MYRIP: variants seen among roughly 807,000 people sequenced by gnomAD.
MYRIP encodes the protein myosin VIIA and Rab interacting protein.
In MYRIP, 49 loss-of-function variants were observed where a neutral mutation model predicts 98.0. The observed-to-expected ratio is 0.50, with a 90% confidence interval of 0.40 to 0.63. The LOEUF is 0.63. MYRIP is among the 30% of genes least tolerant of loss of function. The pLI, the probability that MYRIP is intolerant of heterozygous loss-of-function variation, is 0.00. For missense variants in MYRIP, 1,004 were observed against 1,058.2 expected (o/e 0.95, Z 0.71); for synonymous variants, 404 against 409.5 (o/e 0.99, Z 0.16).
At chr3:40,117,464 T>C (rs972732877) in intron 3 of MYRIP, among the ~76,000 whole-genome samples, 7 of 152,198 alleles carry the variant, frequency 4.6e-5, no homozygotes, top group Non-Finnish European at 8.8e-5. Flanking sequence ...TCCAGGTTAT[T>C]CCCATTTCTA....
At chr3:39,826,891 G>A (rs540160176) in intron 1 of MYRIP, among the ~76,000 whole-genome samples, 6 of 152,042 alleles carry the variant, frequency 3.9e-5, no homozygotes, top group East Asian at 1.9e-4. Context: ...ATTATATAAT[G>A]TTCTTTGTCT....
intron 3 of MYRIP, among the ~76,000 whole-genome samples, chr3:40,121,002 T>G (rs948191905): frequency 6.6e-6 from 1 of 151,980 alleles, no homozygotes; most frequent in Non-Finnish European, 1.5e-5. Context: ...CAGAGAGGAA[T>G]GAATCAAGCA....
chr3:40,016,774 T>G (rs1272090287), intron 2 of MYRIP, among the ~76,000 whole-genome samples: 16 of 152,256 alleles, frequency 1.1e-4, no homozygotes, highest in Admixed American at 1.0e-3. Context: ...CCTCAGTGTC[T>G]TATTAACGTA....
At chr3:39,933,360 G>T (rs1944584219) in intron 2 of MYRIP, among the ~76,000 whole-genome samples, 1 of 152,178 alleles carries the variant, frequency 6.6e-6, no homozygotes, top group African/African-American at 2.4e-5. Context: ...AAATTGTACA[G>T]AAAATGTTTG....
chr3:40,061,248 C>T (rs1262500392), intron 3 of MYRIP, among the ~76,000 whole-genome samples: 1 of 152,182 alleles, frequency 6.6e-6, no homozygotes, highest in Non-Finnish European at 1.5e-5. Context: ...CTCCACCCTC[C>T]AGTAGACCCC....
chr3:39,853,810 C>T (rs1841106), intron 1 of MYRIP, among the ~76,000 whole-genome samples: 72,827 of 151,898 alleles, frequency 0.48, 18,684 homozygotes, highest in African/African-American at 0.67. Flanking sequence ...TTTGCGTTCT[C>T]GGTCATGATC....
intron 2 of MYRIP, among the ~76,000 whole-genome samples, chr3:39,975,764 T>C (rs1945733786): frequency 6.6e-6 from 1 of 152,176 alleles, no homozygotes; most frequent in South Asian, 2.1e-4. Flanking sequence ...AACCATCTGA[T>C]CTTTGACAAA....
intron 2 of MYRIP, among the ~76,000 whole-genome samples, chr3:39,959,003 C>T (rs529297778): frequency 0.025 from 3,719 of 151,108 alleles, 69 homozygotes; most frequent in African/African-American, 0.087. Context: ...GTTAGAATGG[C>T]AATCATTAAA....
At chr3:40,026,973 C>T (rs1281975679) in intron 2 of MYRIP, among the ~76,000 whole-genome samples, 10 of 152,064 alleles carry the variant, frequency 6.6e-5, no homozygotes, top group Admixed American at 6.6e-5. Flanking sequence ...TAGGGTGGCT[C>T]ATCCATTCCC....
chr3:39,819,433 T>G (rs1160134373), intron 1 of MYRIP, among the ~76,000 whole-genome samples: 2 of 152,146 alleles, frequency 1.3e-5, no homozygotes, highest in Non-Finnish European at 2.9e-5. Flanking sequence ...GAGGACAGAC[T>G]ACAAGAGGAA....
At chr3:40,135,604 A>G (rs1475205018) in intron 3 of MYRIP, among the ~76,000 whole-genome samples, 2 of 152,202 alleles carry the variant, frequency 1.3e-5, no homozygotes, top group African/African-American at 2.4e-5. Flanking sequence ...ACTTGAAATG[A>G]AGGAAAAAAT....
At position 40,259,435 on chromosome 3, in the gene MYRIP, A is replaced by C. The variant is rs1221233088; in HGVS notation, c.*1269A>C. The C allele has an allele frequency of 1.3e-5, 2 of 152,236 alleles. No homozygotes were observed. Among genetic ancestry groups the C allele is most frequent in the Non-Finnish European group, 2.9e-5 (2 of 68,034 alleles). The allele number at this position is 152,236 out of a possible 1,614,324, so 9.4% of individuals were successfully genotyped here. A position where few individuals can be genotyped will look rare whatever the true frequency, so the allele number is the denominator to read the frequency against. Reference sequence around the variant, plus strand: ...ATGTGTTAAGTGCCTGCTCTGAAGGAGGCAATGTTCTTCTCATTTGAATCC... The same window carrying C: ...ATGTGTTAAGTGCCTGCTCTGAAGGCGGCAATGTTCTTCTCATTTGAATCC... On this transcript the variant is annotated 3_prime_UTR_variant, in exon 17 of 17. Coordinates refer to ENST00000302541, the MANE Select transcript of MYRIP (RefSeq NM_015460.4).
At chr3:39,875,514 G>A (rs1476276307) in intron 1 of MYRIP, among the ~76,000 whole-genome samples, 2 of 151,904 alleles carry the variant, frequency 1.3e-5, no homozygotes, top group Non-Finnish European at 2.9e-5. Flanking sequence ...TGCTTTGAAT[G>A]CGTCCCAGAG....
intron 2 of MYRIP, among the ~76,000 whole-genome samples, chr3:40,000,624 G>T (rs1292328834): frequency 6.6e-6 from 1 of 152,122 alleles, no homozygotes; most frequent in Non-Finnish European, 1.5e-5. Context: ...GTACTTGAGG[G>T]ACTTGATGAT....
intron 2 of MYRIP, among the ~76,000 whole-genome samples, chr3:39,952,652 T>C (rs1195704626): frequency 6.6e-6 from 1 of 152,218 alleles, no homozygotes; most frequent in Non-Finnish European, 1.5e-5. Context: ...TACCGCCTCA[T>C]AGAATGAAAT....
intron 11 of MYRIP, among the ~76,000 whole-genome samples, chr3:40,217,254 G>C (rs1952150371): frequency 6.6e-6 from 1 of 152,044 alleles, no homozygotes; most frequent in African/African-American, 2.4e-5. Context: ...CCAGTTCTGA[G>C]TCTCACACAC....
intron 2 of MYRIP, among the ~76,000 whole-genome samples, chr3:39,927,450 T>C (rs1944442437): frequency 6.6e-6 from 1 of 152,066 alleles, no homozygotes; most frequent in East Asian, 1.9e-4. Flanking sequence ...CAGTTGATGT[T>C]GGACAAATTC....
intron 2 of MYRIP, among the ~76,000 whole-genome samples, chr3:39,909,016 C>T (rs1943951417): frequency 6.6e-6 from 1 of 152,158 alleles, no homozygotes; most frequent in African/African-American, 2.4e-5. Flanking sequence ...AAGGTAGTTC[C>T]TTCGATGGGA....
At chr3:40,038,387 G>T (rs34545662) in intron 2 of MYRIP, among the ~76,000 whole-genome samples, 42,163 of 151,852 alleles carry the variant, frequency 0.28, 6,546 homozygotes, top group Non-Finnish European at 0.36. Flanking sequence ...GTAGAAAGAA[G>T]AAATAATAAA....
Sources: gnomAD v4.1 joint callset for allele counts (sites outside exome capture counted in the v4.1 genomes callset) on GRCh38, gnomAD v4.1.1 for gene constraint, MANE v1.5 for transcripts, NCBI Gene and HGNC (gene_info 2026-07-23, HGNC 2026-07-21) for gene names.